The following CHST11 variants were observed in gnomAD, a reference collection of about 807,000 sequenced individuals.
The protein encoded by CHST11 is carbohydrate sulfotransferase 11, also known as C4S-1.
In CHST11, 9 loss-of-function variants were observed where a neutral mutation model predicts 30.4. That is an observed-to-expected ratio of 0.30 (90% confidence interval 0.18 to 0.52). CHST11 has a LOEUF of 0.52. CHST11 is among the 20% of genes least tolerant of loss of function. The pLI, the probability that CHST11 is intolerant of heterozygous loss-of-function variation, is 0.97. For synonymous variants in CHST11, 152 were observed against 187.8 expected, an observed-to-expected ratio of 0.81 and a Z score of 1.56; for missense variants, 348 against 460.6, an observed-to-expected ratio of 0.76 and a Z score of 2.24.
intron 1 of CHST11, among the ~76,000 whole-genome samples, chr12:104,544,485 T>G (rs2038323104): frequency 6.6e-6 from 1 of 151,694 alleles, no homozygotes; most frequent in Admixed American, 6.6e-5. Context: ...GGCGGGGGGA[T>G]CACCTGAGGC....
chr12:104,665,314 C>G (rs574061538), intron 2 of CHST11, among the ~76,000 whole-genome samples: 1 of 152,172 alleles, frequency 6.6e-6, no homozygotes, highest in Non-Finnish European at 1.5e-5. Context: ...TGAGGGGAAA[C>G]AGAACTTTGG....
intron 1 of CHST11, among the ~76,000 whole-genome samples, chr12:104,485,973 C>G (rs1026224567): frequency 6.6e-6 from 1 of 152,180 alleles, no homozygotes; most frequent in African/African-American, 2.4e-5. Flanking sequence ...CATAAGTCAT[C>G]GCACCATTCT....
At chr12:104,547,208 G>C (rs1053308445) in intron 1 of CHST11, among the ~76,000 whole-genome samples, 3 of 152,206 alleles carry the variant, frequency 2.0e-5, no homozygotes, top group African/African-American at 7.2e-5. Flanking sequence ...GGATACAGGA[G>C]AAAGAAATGC....
intron 2 of CHST11, among the ~76,000 whole-genome samples, chr12:104,707,847 AACAC>A (rs1256879264): frequency 3.3e-5 from 5 of 152,172 alleles, no homozygotes; most frequent in African/African-American, 1.2e-4. Flanking sequence ...CATACATTCA[AACAC>A]ACACAGGTGC....
At chr12:104,561,168 T>C (rs2083439381) in intron 1 of CHST11, among the ~76,000 whole-genome samples, 1 of 137,582 alleles carries the variant, frequency 7.3e-6, no homozygotes, top group African/African-American at 2.9e-5. Flanking sequence ...TGCTATTCCA[T>C]GGCAACCAGA....
At chr12:104,461,415 A>C (rs1194044123) in intron 1 of CHST11, among the ~76,000 whole-genome samples, 1 of 152,218 alleles carries the variant, frequency 6.6e-6, no homozygotes, top group Non-Finnish European at 1.5e-5. Context: ...CTTCCTATGC[A>C]AGTTCATCAG....
At chr12:104,753,488 C>G (rs1592876369) in intron 2 of CHST11, among the ~76,000 whole-genome samples, 1 of 152,212 alleles carries the variant, frequency 6.6e-6, no homozygotes, top group African/African-American at 2.4e-5. Flanking sequence ...TTTGATATTT[C>G]TTGGCATATG....
chr12:104,537,406 AG>A (rs1269472503), intron 1 of CHST11, among the ~76,000 whole-genome samples: 1 of 152,196 alleles, frequency 6.6e-6, no homozygotes, highest in Non-Finnish European at 1.5e-5. Context: ...AGTGGGGCCA[AG>A]CAGTTAACAG....
intron 1 of CHST11, among the ~76,000 whole-genome samples, chr12:104,593,328 G>A (rs1212679811): frequency 6.6e-6 from 1 of 152,192 alleles, no homozygotes; most frequent in Non-Finnish European, 1.5e-5. Flanking sequence ...TAAGGAGAGA[G>A]AGATTTGGGA....
chr12:104,477,083 G>C (rs1322285059), intron 1 of CHST11, among the ~76,000 whole-genome samples: 1 of 152,106 alleles, frequency 6.6e-6, no homozygotes, highest in Non-Finnish European at 1.5e-5. Flanking sequence ...TGGACAAGTA[G>C]CTTGCTGTAA....
chr12:104,466,787 T>C lies in CHST11; in HGVS notation c.118+9258T>C, dbSNP rs926924624. 2.0e-5 allele frequency among the ~76,000 whole-genome samples: 3 copies of C among 152,370 alleles called. No individual in the cohort carries two copies. The East Asian group carries it at 5.8e-4, about 29-fold the overall frequency. On this transcript the variant is annotated intron_variant, in intron 1 of 2. Transcript: ENST00000303694. ...TTTATAAATAATTTCTGCATATTAC[T>C]ACCATTATCTACATATCTAGGATAG...
intron 1 of CHST11, among the ~76,000 whole-genome samples, chr12:104,484,155 T>C (rs1941890284): frequency 6.6e-6 from 1 of 152,186 alleles, no homozygotes; most frequent in African/African-American, 2.4e-5. Context: ...TCCTGGTTAG[T>C]GGCTGGAGTG....
chr12:104,670,789 C>G (rs1053909859), intron 2 of CHST11, among the ~76,000 whole-genome samples: 1 of 138,208 alleles, frequency 7.2e-6, no homozygotes, highest in Non-Finnish European at 1.5e-5. Context: ...CACATACACT[C>G]TCACACACAC....
At chr12:104,565,187 G>A (rs1301353481) in intron 1 of CHST11, among the ~76,000 whole-genome samples, 4 of 150,882 alleles carry the variant, frequency 2.7e-5, no homozygotes, top group Non-Finnish European at 4.4e-5. Flanking sequence ...GAAACCAGCT[G>A]TATCTACCTC....
chr12:104,750,827 C>T (rs545421220), intron 2 of CHST11, among the ~76,000 whole-genome samples: 1 of 151,992 alleles, frequency 6.6e-6, no homozygotes, highest in African/African-American at 2.4e-5. Flanking sequence ...AGACAAGGTG[C>T]TTACTGTCAC....
chr12:104,644,026 G>A (rs778318797), intron 2 of CHST11, among the ~76,000 whole-genome samples: 2 of 152,200 alleles, frequency 1.3e-5, no homozygotes, highest in Non-Finnish European at 2.9e-5. Flanking sequence ...ATCTGCTAGT[G>A]GAGACTGCTT....
intron 1 of CHST11, among the ~76,000 whole-genome samples, chr12:104,591,360 A>G (rs1370294964): frequency 1.3e-5 from 2 of 152,042 alleles, no homozygotes; most frequent in Non-Finnish European, 2.9e-5. Flanking sequence ...CAGGGATACC[A>G]GTTAAGAGGT....
At chr12:104,751,332 A>T (rs996007887) in intron 2 of CHST11, among the ~76,000 whole-genome samples, 2 of 152,212 alleles carry the variant, frequency 1.3e-5, no homozygotes, top group African/African-American at 4.8e-5. Context: ...AGTGATTCAA[A>T]TGGCAGAATT....
chr12:104,612,695 G>A (rs1219152795), intron 2 of CHST11, among the ~76,000 whole-genome samples: 2 of 152,168 alleles, frequency 1.3e-5, no homozygotes, highest in Non-Finnish European at 2.9e-5. Context: ...AAGGATCAGG[G>A]TTGGCAGGGA....
Sources: allele counts gnomAD v4.1 joint callset (sites outside exome capture counted in the v4.1 genomes callset), GRCh38; gene constraint gnomAD v4.1.1; transcripts MANE v1.5; gene names NCBI Gene and HGNC (gene_info 2026-07-23, HGNC 2026-07-21).